Variants in MAEL observed in about 807,000 individuals in gnomAD.
MAEL encodes the protein protein maelstrom homolog.
A neutral mutation model predicts 62.0 loss-of-function variants in MAEL; 46 were observed. The ratio of observed to expected loss-of-function variants is 0.74; its 90% CI spans 0.59 to 0.95. The LOEUF (loss-of-function observed/expected upper bound fraction) is 0.95, where lower values mean the gene tolerates loss of function less well. Ranked by LOEUF, MAEL falls within the 40% of genes least tolerant of loss-of-function variation. The pLI is 0.00. For synonymous variants in MAEL, 172 were observed against 175.5 expected, an observed-to-expected ratio of 0.98 and a Z score of 0.16; for missense variants, 497 against 526.8, an observed-to-expected ratio of 0.94 and a Z score of 0.55.
intron 5 of MAEL, among the ~76,000 whole-genome samples, chr1:166,999,298 C>A (rs185138886): frequency 2.6e-4 from 39 of 152,262 alleles, no homozygotes; most frequent in African/African-American, 7.5e-4. Flanking sequence ...ATGTACTACT[C>A]CAGTGAACAA....
intron 1 of MAEL, among the ~76,000 whole-genome samples, chr1:166,980,065 G>A (rs1284474705): frequency 1.3e-5 from 2 of 152,044 alleles, no homozygotes; most frequent in African/African-American, 2.4e-5. Context: ...CACCCAGACT[G>A]GACTGCAATG....
chr1:167,005,495 C>A, intron 8 of MAEL, 98 bp downstream of exon 8: 1 of 1,016,074 alleles, frequency 9.8e-7, no homozygotes, highest in Non-Finnish European at 1.4e-6. Context: ...AATATTTTCC[C>A]ATGAAAGCTT....
At chr1:166,982,796 C>T (rs1233185958) in intron 1 of MAEL, among the ~76,000 whole-genome samples, 3 of 152,058 alleles carry the variant, frequency 2.0e-5, no homozygotes, top group Admixed American at 6.5e-5. Flanking sequence ...TCTCTACTTT[C>T]CCCCTCACTC....
chr1:166,997,483 G>C (rs1227497813), intron 5 of MAEL, among the ~76,000 whole-genome samples: 1 of 152,082 alleles, frequency 6.6e-6, no homozygotes, highest in East Asian at 1.9e-4. Flanking sequence ...TTTGTGTCTT[G>C]TATTTTTTAC....
At chr1:166,984,606 C>T (rs145823155), upstream of MAEL, among the ~76,000 whole-genome samples, 34 of 152,152 alleles carry the variant, frequency 2.2e-4, no homozygotes, top group African/African-American at 8.0e-4. Flanking sequence ...GTACTTAGAG[C>T]AATACTCGAA....
chr1:166,988,923 G>T (rs990555732), upstream of MAEL, among the ~76,000 whole-genome samples: 13 of 152,184 alleles, frequency 8.5e-5, no homozygotes, highest in African/African-American at 3.1e-4. Context: ...CCTCATACAT[G>T]TTCCTCAACA....
Position 166,999,058 on chromosome 1 carries a change from A to G in MAEL, c.523+4989A>G, listed in dbSNP as rs558591148. ...TCTTTCCCTTTCCTTGGGCCTCACT[A>G]TTCCCTAAGACACAACAATATTGAA... On this transcript the variant is annotated intron_variant, in intron 5 of 11. Transcript: ENST00000367872. Among the ~76,000 whole-genome samples the G allele has an allele frequency of 1.6e-3, 244 of 152,256 alleles. 3 individuals carry two copies. The highest frequency in any genetic ancestry group is 5.6e-3 in the African/African-American group (233 of 41,546).
intron 2 of MAEL, among the ~76,000 whole-genome samples, 156 bp from the exon 3 acceptor site, chr1:166,991,222 T>C (rs1045314959): frequency 2.0e-5 from 3 of 152,212 alleles, no homozygotes; most frequent in Non-Finnish European, 4.4e-5. Context: ...TATTCTGCCT[T>C]TGGGTGTTGG....
chr1:166,994,507 G>T (rs1664324544), intron 5 of MAEL, among the ~76,000 whole-genome samples: 2 of 152,150 alleles, frequency 1.3e-5, no homozygotes, highest in African/African-American at 4.8e-5. Context: ...GGGCATGACT[G>T]TGTATATCTA....
intron 5 of MAEL, among the ~76,000 whole-genome samples, chr1:166,999,891 G>A (rs2102086803): frequency 6.6e-6 from 1 of 152,060 alleles, no homozygotes; most frequent in Non-Finnish European, 1.5e-5. Flanking sequence ...GAACAACAAA[G>A]CCTAGAAGAC....
chr1:166,997,878 A>G lies in MAEL; in HGVS notation c.523+3809A>G, dbSNP rs75620513. ...TATTCTACCTGGAATTGACTTGTGT[A>G]TAGTATGAGGGAGAGATTCACTTTA... is the stretch of plus-strand genomic sequence containing the variant. On this transcript the variant is annotated intron_variant, in intron 5 of 11. Coordinates refer to ENST00000367872, the MANE Select transcript of MAEL (RefSeq NM_032858.3). Among the ~76,000 whole-genome samples the G allele has an allele frequency of 5.5e-4, 84 of 152,226 alleles. No homozygotes were observed. In the East Asian group the frequency reaches 0.014, roughly 25 times the overall value.
chr1:166,978,423 G>T (rs552885923), intron 1 of MAEL, among the ~76,000 whole-genome samples: 1 of 152,270 alleles, frequency 6.6e-6, no homozygotes, highest in South Asian at 2.1e-4. Context: ...GTAGCCTAAG[G>T]GATGGAGGTG....
chr1:167,016,092 G>C (rs1488453278), intron 8 of MAEL, 130 bp from the exon 9 acceptor site: 6 of 770,114 alleles, frequency 7.8e-6, no homozygotes, highest in Non-Finnish European at 1.3e-5. Flanking sequence ...AAAAATCTTT[G>C]TGTTAAATTT....
intron 1 of MAEL, among the ~76,000 whole-genome samples, chr1:166,977,712 G>A (rs771372412): frequency 2.0e-5 from 3 of 152,154 alleles, no homozygotes; most frequent in Admixed American, 6.5e-5. Context: ...TCAGCACTTC[G>A]GGAAGCTGAG....
At chr1:166,975,654 C>A in exon 1 of MAEL, 1 of 152,220 alleles carries the variant, frequency 6.6e-6, no homozygotes, top group South Asian at 2.0e-4. Flanking sequence ...TGCTGGCCCC[C>A]GGCGGCCCAA....
At chr1:167,006,636 T>TATAC (rs1557982563) in intron 8 of MAEL, among the ~76,000 whole-genome samples, 4 of 92,336 alleles carry the variant, frequency 4.3e-5, no homozygotes, top group Non-Finnish European at 5.0e-5. Context: ...TATATATATA[T>TATAC]ACATTTTTTT....
At chr1:166,994,718 G>T (rs1455104130) in intron 5 of MAEL, among the ~76,000 whole-genome samples, 1 of 140,508 alleles carries the variant, frequency 7.1e-6, no homozygotes, top group Non-Finnish European at 1.5e-5. Context: ...TCACCAGGCT[G>T]GAGTGGAGGG....
chr1:166,985,156 C>T (rs1381072807), upstream of MAEL, among the ~76,000 whole-genome samples: 5 of 152,184 alleles, frequency 3.3e-5, no homozygotes, highest in African/African-American at 1.2e-4. Flanking sequence ...GTGATTGCCA[C>T]AGGTAGCTGC....
intron 8 of MAEL, among the ~76,000 whole-genome samples, chr1:167,009,806 G>A (rs950914213): frequency 6.6e-6 from 1 of 151,888 alleles, no homozygotes; most frequent in Admixed American, 6.6e-5. Context: ...TCAGCCTTGG[G>A]CAGTTGGTAA....
Sources: gnomAD v4.1 joint callset for allele counts (sites outside exome capture counted in the v4.1 genomes callset) on GRCh38, gnomAD v4.1.1 for gene constraint, MANE v1.5 for transcripts, NCBI Gene and HGNC (gene_info 2026-07-23, HGNC 2026-07-21) for gene names.